The following SENP2 variants were observed in gnomAD, a reference collection of about 807,000 sequenced individuals.
The protein encoded by SENP2 is sentrin-specific protease 2.
Under a neutral mutation model 86.3 loss-of-function variants are expected in SENP2, and 16 were observed. That is an observed-to-expected ratio of 0.19 (90% CI 0.13 to 0.28). The LOEUF (loss-of-function observed/expected upper bound fraction) is 0.28, where lower values mean the gene tolerates loss of function less well. Among genes scored for constraint, SENP2 ranks in the 10% least tolerant of loss-of-function variants. The pLI, the probability that SENP2 is intolerant of heterozygous loss-of-function variation, is 1.00. For synonymous variants in SENP2, 222 were observed against 238.7 expected (o/e 0.93, Z 0.64); for missense variants, 552 against 703.0 (o/e 0.79, Z 2.43).
rs375611927 is a variant in SENP2, at chr3:185,614,683, G to T, written c.1053G>T (p.Lys351Asn). The T allele has an allele frequency of 1.9e-6, 3 of 1,614,098 alleles. No individual in the cohort carries two copies. The highest frequency in any genetic ancestry group is 1.3e-5 in the African/African-American group (1 of 74,942). The part of the protein sequence containing the change: ...RKVSIIETKE[K>N]NCSGKERDRR... ...TGTCAATAATTGAGACAAAGGAAAA[G>T]AATTGCTCAGGCAAAGAGAGGGACA... is the stretch of plus-strand genomic sequence containing the variant. Residue 351 changes from lysine (K) to asparagine (N), a missense_variant, in exon 11 of 17, where the codon AAG becomes AAT. Physicochemically the swap from Lys to Asn is moderately conservative, Grantham distance 94 (BLOSUM62 0). Coordinates refer to ENST00000296257, the MANE Select transcript of SENP2 (RefSeq NM_021627.3).
intron 6 of SENP2, among the ~76,000 whole-genome samples, chr3:185,607,370 C>G (rs1391026319): frequency 7.6e-6 from 1 of 131,854 alleles, no homozygotes. Context: ...CTCTTGTTGC[C>G]CAGGCTAGAG....
At chr3:185,592,033 TTGAGA>T (rs1722024205) in intron 2 of SENP2, among the ~76,000 whole-genome samples, 1 of 114,276 alleles carries the variant, frequency 8.8e-6, no homozygotes, top group Non-Finnish European at 1.8e-5. Flanking sequence ...TTTTTTTTTT[TTGAGA>T]CAGGATCTTG....
intron 5 of SENP2, among the ~76,000 whole-genome samples, chr3:185,601,424 C>T (rs1722341472): frequency 6.6e-6 from 1 of 152,046 alleles, no homozygotes; most frequent in Admixed American, 6.6e-5. Flanking sequence ...TTACTTTATT[C>T]TCAACTTAAA....
intron 13 of SENP2, among the ~76,000 whole-genome samples, chr3:185,621,202 G>A (rs1577741665): frequency 2.7e-5 from 3 of 111,190 alleles, no homozygotes; most frequent in Admixed American, 9.5e-5. Flanking sequence ...AAGAAAAGAA[G>A]GAAAGAAAGA....
At chr3:185,626,246 T>C in intron 15 of SENP2, 52 bp from the exon 16 acceptor site, 1 of 1,174,422 alleles carries the variant, frequency 8.5e-7, no homozygotes, top group Non-Finnish European at 1.2e-6. Context: ...AAGGAATTTG[T>C]ATTTAATGAT....
rs1264015006 is a variant in SENP2 at position 185,632,232 on chromosome 3, T to G, written c.*2388T>G. 9.3e-6 allele frequency: 1 copy of G among 107,294 alleles called. No individual in the cohort carries two copies. Among genetic ancestry groups the G allele is most frequent in the Non-Finnish European group, 1.9e-5 (1 of 51,788 alleles). 6.6% of individuals were successfully genotyped at this position (107,294 alleles called of 1,614,324 possible). Reference sequence around the variant, plus strand: ...CCAGTGGTTTTTTTTTTGTTTTTTTTTTTTGTTTTTTTTTTTTTTTTTTGC... The same window carrying G: ...CCAGTGGTTTTTTTTTTGTTTTTTTGTTTTGTTTTTTTTTTTTTTTTTTGC... On this transcript the variant is annotated 3_prime_UTR_variant, in exon 17 of 17. Coordinates refer to ENST00000296257, the MANE Select transcript of SENP2 (RefSeq NM_021627.3).
In SENP2 at chr3:185,586,958, T is replaced by A. The variant is rs1354244583; in HGVS notation, c.101+444T>A. ...TTGCAGCAAGAAACAGCACCTGTTT[T>A]GTTCCAAAACAGCTGTCAAACAGTC... On this transcript the variant is annotated intron_variant, in intron 1 of 16. Transcript: ENST00000296257. This position sits in a 1 kb window ranked among gnomAD's most constrained non-coding sequence, Gnocchi z 4.3. Among the ~76,000 whole-genome samples, 1 of 152,180 alleles carries A rather than the reference T, an allele frequency of 6.6e-6. No homozygotes were observed. Among genetic ancestry groups the A allele is most frequent in the Admixed American group, 6.5e-5 (1 of 15,270 alleles).
At chr3:185,613,609 T>C in intron 10 of SENP2, 1 of 352,960 alleles carries the variant, frequency 2.8e-6, no homozygotes, top group South Asian at 4.2e-5. Context: ...GGCAGAAGGA[T>C]CACTTGAGCC....
At chr3:185,607,726 A>G (rs1365648068) in intron 6 of SENP2, among the ~76,000 whole-genome samples, 1 of 151,860 alleles carries the variant, frequency 6.6e-6, no homozygotes, top group Non-Finnish European at 1.5e-5. Context: ...GGATCTCGCT[A>G]TGTTGTCCAG....
At chr3:185,624,229 G>A (rs1178754408) in intron 15 of SENP2, 147 bp downstream of exon 15, 3 of 576,424 alleles carry the variant, frequency 5.2e-6, no homozygotes, top group Non-Finnish European at 8.9e-6. Context: ...TTTTTGTAGA[G>A]ATGGGATCTT....
intron 13 of SENP2, 141 bp downstream of exon 13, chr3:185,619,643 T>C (rs941710128): frequency 8.5e-6 from 4 of 473,330 alleles, no homozygotes; most frequent in African/African-American, 7.9e-5. Flanking sequence ...TTTTTAGTTT[T>C]TTTTTTAATG....
intron 5 of SENP2, among the ~76,000 whole-genome samples, chr3:185,605,370 G>C (rs546828406): frequency 6.9e-6 from 1 of 144,710 alleles, no homozygotes; most frequent in African/African-American, 2.5e-5. Flanking sequence ...AAACTTCGTC[G>C]AAAAAAAAAA....
chr3:185,599,766 T>G (rs1194775973), intron 4 of SENP2, among the ~76,000 whole-genome samples: 2 of 151,994 alleles, frequency 1.3e-5, no homozygotes, highest in Non-Finnish European at 2.9e-5. Flanking sequence ...CATACCCCTG[T>G]GTCTGAGAAG....
chr3:185,610,318 G>A (rs1722646898), intron 7 of SENP2, among the ~76,000 whole-genome samples: 1 of 151,710 alleles, frequency 6.6e-6, no homozygotes. Flanking sequence ...CCACCGCCAC[G>A]CCCAGCTAAT....
At chr3:185,613,952 C>G (rs1711507797) in intron 10 of SENP2, among the ~76,000 whole-genome samples, 1 of 151,962 alleles carries the variant, frequency 6.6e-6, no homozygotes, top group Non-Finnish European at 1.5e-5. Flanking sequence ...CAATCTGCCT[C>G]CATACCAACA....
chr3:185,607,881 T>C (rs1722570453), intron 6 of SENP2, among the ~76,000 whole-genome samples: 1 of 152,222 alleles, frequency 6.6e-6, no homozygotes, highest in African/African-American at 2.4e-5. Context: ...GGGAAGTAAA[T>C]GGTGTGCATC....
At chr3:185,599,485 CATT>C (rs1026424443) in intron 4 of SENP2, among the ~76,000 whole-genome samples, 1 of 151,810 alleles carries the variant, frequency 6.6e-6, no homozygotes, top group Non-Finnish European at 1.5e-5. Context: ...GTGGAATTGT[CATT>C]ATTATATATA....
intron 6 of SENP2, among the ~76,000 whole-genome samples, chr3:185,607,701 T>TTA (rs1722564158): frequency 6.6e-6 from 1 of 152,098 alleles, no homozygotes; most frequent in African/African-American, 2.4e-5. Flanking sequence ...AAGTTTTTTT[T>TTA]TATATATAGA....
At chr3:185,625,189 G>A (rs1006195826) in intron 15 of SENP2, among the ~76,000 whole-genome samples, 6 of 151,212 alleles carry the variant, frequency 4.0e-5, no homozygotes, top group Non-Finnish European at 8.8e-5. Context: ...TTGGCTCACT[G>A]CAAGCTCCGC....
Sources: allele counts gnomAD v4.1 joint callset (sites outside exome capture counted in the v4.1 genomes callset), GRCh38; gene constraint gnomAD v4.1.1; non-coding constraint Gnocchi (gnomAD v3.1); transcripts MANE v1.5; gene names NCBI Gene and HGNC (gene_info 2026-07-23, HGNC 2026-07-21).